DAPK2: variants seen among roughly 807,000 people sequenced by gnomAD.
DAPK2 encodes the protein death associated protein kinase 2.
In DAPK2, 35 loss-of-function variants were observed where a neutral mutation model predicts 44.1. The ratio of observed to expected loss-of-function variants is 0.79; its 90% CI spans 0.61 to 1.05. The LOEUF (loss-of-function observed/expected upper bound fraction) is 1.05, where lower values mean the gene tolerates loss of function less well. Ranked by LOEUF, DAPK2 falls within the 50% of genes least tolerant of loss-of-function variation. The pLI is 0.00. For synonymous variants in DAPK2, 174 were observed against 182.6 expected (o/e 0.95, Z 0.38); for missense variants, 453 against 483.2 (o/e 0.94, Z 0.59).
chr15:64,036,722 T>A (rs1479998757), intron 1 of DAPK2, among the ~76,000 whole-genome samples: 5 of 150,614 alleles, frequency 3.3e-5, no homozygotes, highest in Non-Finnish European at 5.9e-5. Flanking sequence ...AGAGCTAAAA[T>A]CAATGAGAGG....
chr15:63,978,368 C>T (rs555065635), intron 2 of DAPK2, among the ~76,000 whole-genome samples: 58 of 152,316 alleles, frequency 3.8e-4, no homozygotes, highest in African/African-American at 1.3e-3. Flanking sequence ...TAAAATGCTG[C>T]ATCAGTGTAA....
At chr15:63,929,907 G>C (rs2079474560) in intron 5 of DAPK2, 1 of 489,452 alleles carries the variant, frequency 2.0e-6, no homozygotes, top group Non-Finnish European at 3.9e-6. Flanking sequence ...TACCTCACAG[G>C]ACTGTTGGCA....
At chr15:63,983,620 C>G (rs1173834868) in exon 2 of DAPK2, 2 of 1,614,052 alleles carry the variant, frequency 1.2e-6, no homozygotes, top group Non-Finnish European at 1.7e-6. Flanking sequence ...CCGCAGGATG[C>G]TCACCTCCCG....
At chr15:64,018,976 G>T (rs2079609829) in intron 1 of DAPK2, among the ~76,000 whole-genome samples, 1 of 152,186 alleles carries the variant, frequency 6.6e-6, no homozygotes. Flanking sequence ...CTAAAAGGTG[G>T]CTAATGCCTG....
At chr15:63,997,908 G>T (rs2078991168) in intron 1 of DAPK2, among the ~76,000 whole-genome samples, 1 of 152,166 alleles carries the variant, frequency 6.6e-6, no homozygotes, top group Admixed American at 6.5e-5. Flanking sequence ...AATGAAAACC[G>T]CCTCATAAGC....
chr15:63,923,199 C>T lies in DAPK2; in HGVS notation c.858+1617G>A. The T allele has an allele frequency of 6.5e-7, 1 of 1,535,926 alleles. No homozygotes were observed. The highest frequency in any genetic ancestry group is 8.7e-7 in the Non-Finnish European group (1 of 1,146,752). On this transcript the variant is annotated intron_variant, in intron 8 of 10. Coordinates refer to ENST00000261891, the Ensembl canonical transcript of DAPK2. This position sits in a 1 kb window ranked among gnomAD's most constrained non-coding sequence, Gnocchi z 4.2. Reference sequence around the variant, plus strand: ...TCGACCCGAGCCACGTCTTCCACCACACAGGCAAAACGCTCGAAGTTGACA... The same window carrying T: ...TCGACCCGAGCCACGTCTTCCACCATACAGGCAAAACGCTCGAAGTTGACA...
chr15:63,992,754 G>A (rs1272456074), intron 1 of DAPK2, among the ~76,000 whole-genome samples: 2 of 152,166 alleles, frequency 1.3e-5, no homozygotes, highest in Non-Finnish European at 1.5e-5. Flanking sequence ...GCAGTCAAGG[G>A]ACCAGTCGGG....
intron 3 of DAPK2, among the ~76,000 whole-genome samples, chr15:63,942,014 GC>G (rs779505213): frequency 2.6e-5 from 4 of 152,222 alleles, no homozygotes; most frequent in Non-Finnish European, 5.9e-5. Context: ...TCTCCCTGGG[GC>G]TGAAGGGCCA....
At chr15:63,955,984 G>A (rs1415506071) in intron 3 of DAPK2, among the ~76,000 whole-genome samples, 1 of 152,156 alleles carries the variant, frequency 6.6e-6, no homozygotes, top group East Asian at 1.9e-4. Context: ...CTTGTTATTG[G>A]TGTGCAGGTT....
intron 8 of DAPK2, 155 bp downstream of exon 9, chr15:63,924,661 G>T: frequency 1.4e-6 from 1 of 718,982 alleles, no homozygotes; most frequent in Non-Finnish European, 2.4e-6. Context: ...ATAAGCCCAG[G>T]CCCTCTGGGG....
Position 63,908,763 on chromosome 15 carries a change from A to G in DAPK2, c.1033-163T>C, listed in dbSNP as rs1288502090. The G allele has an allele frequency of 1.0e-5, 5 of 480,382 alleles. No homozygotes were observed. The highest frequency in any genetic ancestry group is 1.8e-5 in the Non-Finnish European group (5 of 276,646). 29.8% of individuals were successfully genotyped at this position (480,382 alleles called of 1,614,324 possible). A position where few individuals can be genotyped will look rare whatever the true frequency, so the allele number is the denominator to read the frequency against. ...TGCTGATCCATCCAGGGGCTGGGGG[A>G]TGGGAGGGATCTGAAACGAGGCCAG... On this transcript the variant is annotated intron_variant, in intron 10 of 10. Transcript: ENST00000261891. The surrounding 1 kb of genome is among the most constrained non-coding windows in gnomAD (Gnocchi z 5.7).
chr15:63,937,099 C>T (rs540040933), intron 4 of DAPK2, among the ~76,000 whole-genome samples: 1 of 151,796 alleles, frequency 6.6e-6, no homozygotes, highest in Non-Finnish European at 1.5e-5. Context: ...GTTAGAATAT[C>T]AAAGGAATGG....
At chr15:63,935,375 G>A (rs2140420650) in intron 4 of DAPK2, among the ~76,000 whole-genome samples, 1 of 152,296 alleles carries the variant, frequency 6.6e-6, no homozygotes, top group East Asian at 1.9e-4. Context: ...ACAGGCATGA[G>A]CCACCATGCC....
At chr15:63,961,303 C>T (rs1442647451) in intron 3 of DAPK2, among the ~76,000 whole-genome samples, 2 of 152,162 alleles carry the variant, frequency 1.3e-5, no homozygotes, top group East Asian at 1.9e-4. Flanking sequence ...TCCAATTTGC[C>T]AGTCTGTGTC....
intron 1 of DAPK2, among the ~76,000 whole-genome samples, chr15:63,985,784 C>T (rs956358090): frequency 3.9e-5 from 6 of 152,198 alleles, no homozygotes; most frequent in Admixed American, 6.5e-5. Context: ...GCCATGTTGA[C>T]GTTGTTTCCC....
intron 1 of DAPK2, among the ~76,000 whole-genome samples, chr15:63,991,668 G>C (rs1206437311): frequency 6.6e-6 from 1 of 152,212 alleles, no homozygotes; most frequent in Non-Finnish European, 1.5e-5. Flanking sequence ...AGTTTGAGAA[G>C]TACTGCTCTA....
chr15:64,027,019 A>G (rs2079866693), intron 1 of DAPK2, among the ~76,000 whole-genome samples: 3 of 152,212 alleles, frequency 2.0e-5, no homozygotes, highest in African/African-American at 7.2e-5. Flanking sequence ...CAAGGCAGGC[A>G]GATCACTTGA....
chr15:63,991,834 G>C (rs551868577), intron 1 of DAPK2, among the ~76,000 whole-genome samples: 1 of 152,186 alleles, frequency 6.6e-6, no homozygotes, highest in Non-Finnish European at 1.5e-5. Context: ...GCGGTGAGGA[G>C]CACATGTAGG....
At chr15:63,954,943 T>C (rs1235991051) in intron 3 of DAPK2, among the ~76,000 whole-genome samples, 1 of 152,214 alleles carries the variant, frequency 6.6e-6, no homozygotes, top group Non-Finnish European at 1.5e-5. Context: ...TCTTGATTTC[T>C]TTTTCAGATA....
Sources: gnomAD v4.1 joint callset for allele counts (sites outside exome capture counted in the v4.1 genomes callset) on GRCh38, gnomAD v4.1.1 for gene constraint, Gnocchi (gnomAD v3.1) non-coding constraint, MANE v1.5 for transcripts, NCBI Gene and HGNC (gene_info 2026-07-23, HGNC 2026-07-21) for gene names.